BCAT1: variants seen among roughly 807,000 people sequenced by gnomAD.
BCAT1 encodes the protein branched chain amino acid transaminase 1, also known as branched-chain-amino-acid aminotransferase, cytosolic.
BCAT1 carries 48 observed loss-of-function variants against 52.4 expected under a neutral mutation model. The observed-to-expected ratio is 0.92, with a 90% CI of 0.73 to 1.16. The LOEUF is 1.16. Among genes scored for constraint, BCAT1 ranks in the 50% most tolerant of loss-of-function variants. The pLI, the probability that BCAT1 is intolerant of heterozygous loss-of-function variation, is 0.00. For synonymous variants in BCAT1, 167 were observed against 161.3 expected (o/e 1.04, Z -0.27); for missense variants, 451 against 457.1 (o/e 0.99, Z 0.12).
intron 10 of BCAT1, 32 bp downstream of exon 10, chr12:24,829,791 G>T: frequency 1.3e-6 from 2 of 1,539,156 alleles, no homozygotes; most frequent in Non-Finnish European, 8.8e-7. Flanking sequence ...GAAAAGAAAA[G>T]GAAAGAAAAG....
intron 1 of BCAT1, among the ~76,000 whole-genome samples, chr12:24,943,808 C>T (rs899124777): frequency 6.6e-5 from 10 of 151,822 alleles, no homozygotes; most frequent in African/African-American, 2.4e-5. Context: ...CATGGTGAAA[C>T]CCCGTCTCTA....
At chr12:24,841,578 A>G (rs1941173129) in intron 7 of BCAT1, among the ~76,000 whole-genome samples, 1 of 152,174 alleles carries the variant, frequency 6.6e-6, no homozygotes, top group Non-Finnish European at 1.5e-5. Flanking sequence ...AAAACAAAAA[A>G]CGAAAAACAA....
chr12:24,949,062 G>T lies in BCAT1; in HGVS notation c.-130C>A. ...CGGCTGCAGCAAGACCTGGGGCAGTGCCCGAGGCGGCGGCGAGTACACGTG... is the reference window on the plus strand; with the variant it reads ...CGGCTGCAGCAAGACCTGGGGCAGTTCCCGAGGCGGCGGCGAGTACACGTG... On this transcript the variant is annotated 5_prime_UTR_variant, in exon 1 of 11. Coordinates refer to ENST00000261192, the MANE Select transcript of BCAT1 (RefSeq NM_005504.7). 1 of 883,600 alleles carries T rather than the reference G, an allele frequency of 1.1e-6. No individual in the cohort carries two copies. Among genetic ancestry groups the T allele is most frequent in the Non-Finnish European group, 1.7e-6 (1 of 574,634 alleles). 54.7% of individuals were successfully genotyped at this position (883,600 alleles called of 1,614,324 possible).
intron 5 of BCAT1, among the ~76,000 whole-genome samples, chr12:24,871,116 G>A (rs116544471): frequency 0.011 from 1,714 of 149,248 alleles, 23 homozygotes; most frequent in African/African-American, 0.041. Context: ...GATGCCAGAC[G>A]ACAGTGATGA....
Position 24,889,078 on chromosome 12 carries a change from C to A in BCAT1, c.279+5197G>T, listed in dbSNP as rs141279526. Among the ~76,000 whole-genome samples, 199 of 152,302 alleles carry A rather than the reference C, an allele frequency of 1.3e-3. 1 individual carries two copies. The highest frequency in any genetic ancestry group is 4.5e-3 in the African/African-American group (186 of 41,562). On this transcript the variant is annotated intron_variant, in intron 3 of 10. Transcript: ENST00000261192. ...TTAGCCCTAAGTAAATCAGACACTTCCTCCTCAAACCTGACTATAAAATCC... is the reference window on the plus strand; with the variant it reads ...TTAGCCCTAAGTAAATCAGACACTTACTCCTCAAACCTGACTATAAAATCC...
At position 24,836,722 on chromosome 12, in the gene BCAT1, T is replaced by C. The variant is rs1338736440; in HGVS notation, c.818-126A>G. The stretch of plus-strand genomic sequence containing the variant: ...AACAAACATAAAGAAAATTTTACTG[T>C]TCTGCATGATCAAATTTCCCAAATC... On this transcript the variant is annotated intron_variant, in intron 7 of 10. Coordinates refer to ENST00000261192, the MANE Select transcript of BCAT1 (RefSeq NM_005504.7). 4 of 731,460 alleles carry C rather than the reference T, an allele frequency of 5.5e-6. No individual in the cohort carries two copies. The East Asian group carries it at 1.1e-4, about 20-fold the overall frequency. 45.3% of individuals were successfully genotyped at this position (731,460 alleles called of 1,614,324 possible). A position where few individuals can be genotyped will look rare whatever the true frequency, so the allele number is the denominator to read the frequency against.
At chr12:24,911,456 G>A (rs749726429) in intron 1 of BCAT1, among the ~76,000 whole-genome samples, 7 of 152,190 alleles carry the variant, frequency 4.6e-5, no homozygotes, top group South Asian at 2.1e-4. Flanking sequence ...TTGTGACAGC[G>A]TGGCAGGGTG....
intron 3 of BCAT1, among the ~76,000 whole-genome samples, chr12:24,891,088 G>A (rs780496936): frequency 6.6e-6 from 1 of 152,190 alleles, no homozygotes; most frequent in East Asian, 1.9e-4. Context: ...TCTTGAAAGA[G>A]TAGTTTTGAG....
At chr12:24,941,539 A>G (rs1205138821) in intron 1 of BCAT1, among the ~76,000 whole-genome samples, 1 of 152,244 alleles carries the variant, frequency 6.6e-6, no homozygotes, top group Non-Finnish European at 1.5e-5. Flanking sequence ...TTGAAAGTCC[A>G]GAAATAGGCT....
chr12:24,873,446 T>C (rs1002132192), intron 5 of BCAT1, among the ~76,000 whole-genome samples: 3 of 152,222 alleles, frequency 2.0e-5, no homozygotes, highest in Non-Finnish European at 4.4e-5. Flanking sequence ...ACAAGAAGTT[T>C]ATATAACATA....
chr12:24,825,269 T>C (rs1021455662), intron 10 of BCAT1, among the ~76,000 whole-genome samples: 1 of 152,164 alleles, frequency 6.6e-6, no homozygotes, highest in Non-Finnish European at 1.5e-5. Context: ...AGATATCTCT[T>C]TGATATACTA....
intron 1 of BCAT1, among the ~76,000 whole-genome samples, chr12:24,946,526 A>C (rs1307358660): frequency 6.6e-6 from 1 of 152,256 alleles, no homozygotes. Flanking sequence ...AACTATTGAT[A>C]GGCTAAACAT....
At chr12:24,852,259 G>A (rs546968602) in intron 5 of BCAT1, among the ~76,000 whole-genome samples, 99 of 152,264 alleles carry the variant, frequency 6.5e-4, no homozygotes, top group African/African-American at 2.3e-3. Flanking sequence ...GTCTCAGGTA[G>A]TTCTTTATAG....
intron 1 of BCAT1, among the ~76,000 whole-genome samples, chr12:24,947,215 A>G (rs1282089728): frequency 6.8e-6 from 1 of 147,226 alleles, no homozygotes; most frequent in East Asian, 2.0e-4. Context: ...ACACACACGG[A>G]CTTCCCTTGC....
chr12:24,939,282 T>A (rs1943814942), intron 1 of BCAT1, among the ~76,000 whole-genome samples: 1 of 152,200 alleles, frequency 6.6e-6, no homozygotes, highest in Admixed American at 6.5e-5. Context: ...TCTGGTAGCC[T>A]TGGTAGGAGC....
chr12:24,841,097 G>A (rs1011665553), intron 7 of BCAT1, among the ~76,000 whole-genome samples: 2 of 152,076 alleles, frequency 1.3e-5, no homozygotes, highest in Non-Finnish European at 2.9e-5. Context: ...GAAAAGTAAT[G>A]AGTACTCAGG....
intron 1 of BCAT1, among the ~76,000 whole-genome samples, chr12:24,923,230 A>C (rs991076748): frequency 6.6e-6 from 1 of 152,234 alleles, no homozygotes; most frequent in Non-Finnish European, 1.5e-5. Flanking sequence ...AGAACCCTCC[A>C]GAAATTCAAG....
chr12:24,825,989 A>T (rs1247437924), intron 10 of BCAT1, among the ~76,000 whole-genome samples: 1 of 152,116 alleles, frequency 6.6e-6, no homozygotes, highest in Non-Finnish European at 1.5e-5. Flanking sequence ...AGACAGGAGG[A>T]TCCCTTGAGT....
intron 1 of BCAT1, chr12:24,903,279 G>T: frequency 2.3e-6 from 1 of 430,892 alleles, no homozygotes; most frequent in Non-Finnish European, 3.8e-6. Flanking sequence ...TGCGCGCCAC[G>T]AACGAGCGCC....
Sources: allele counts gnomAD v4.1 joint callset (sites outside exome capture counted in the v4.1 genomes callset), GRCh38; gene constraint gnomAD v4.1.1; transcripts MANE v1.5; gene names NCBI Gene and HGNC (gene_info 2026-07-23, HGNC 2026-07-21).